The following SAMD4A variants were observed in gnomAD, a reference collection of about 807,000 sequenced individuals.
The protein encoded by SAMD4A is protein Smaug homolog 1.
Under a neutral mutation model 81.3 loss-of-function variants are expected in SAMD4A, and 33 were observed. The observed-to-expected ratio is 0.41, with a 90% CI of 0.31 to 0.54. The LOEUF (loss-of-function observed/expected upper bound fraction) is 0.54. Ranked by LOEUF, SAMD4A falls within the 20% of genes least tolerant of loss-of-function variation. SAMD4A has a pLI of 0.37. For missense variants in SAMD4A, 854 were observed against 951.1 expected (o/e 0.90, Z 1.34); for synonymous variants, 389 against 382.1 (o/e 1.02, Z -0.21).
At chr14:54,767,526 G>T (rs74049670) in intron 8 of SAMD4A, among the ~76,000 whole-genome samples, 13,313 of 152,238 alleles carry the variant, frequency 0.087, 1,008 homozygotes, top group African/African-American at 0.21. Flanking sequence ...AGCTCTTGCC[G>T]CTTTATGAAC....
rs570642036 is a variant in SAMD4A at position 54,775,028 on chromosome 14, C to A, written c.1810C>A (p.Arg604=). The change falls in exon 10 of 13, where the codon CGG becomes AGG. Residue 604 remains arginine, a synonymous_variant. Coordinates refer to ENST00000554335, the MANE Select transcript of SAMD4A (RefSeq NM_015589.6). The part of the protein sequence containing the change: ...RNPRQYQIPS[R]NVPSARLGLL... Reference sequence around the variant, plus strand: ...CCCGCGCCAGTACCAGATCCCCTCTCGGAACGTCCCTTCCGCCCGCCTGGG... The same window carrying A: ...CCCGCGCCAGTACCAGATCCCCTCTAGGAACGTCCCTTCCGCCCGCCTGGG... The A allele has an allele frequency of 1.2e-4, 188 of 1,614,224 alleles. No homozygotes were observed. The South Asian group carries it at 1.9e-3, about 17-fold the overall frequency.
intron 2 of SAMD4A, among the ~76,000 whole-genome samples, chr14:54,645,665 A>G (rs2035271920): frequency 6.6e-6 from 1 of 152,252 alleles, no homozygotes; most frequent in African/African-American, 2.4e-5. Context: ...TGGAAGCATC[A>G]AAGTATTAAA....
At chr14:54,650,166 T>A (rs1425278022) in intron 2 of SAMD4A, among the ~76,000 whole-genome samples, 1 of 152,190 alleles carries the variant, frequency 6.6e-6, no homozygotes, top group Non-Finnish European at 1.5e-5. Context: ...ATTAAATTGA[T>A]CAGACTCACA....
intron 2 of SAMD4A, among the ~76,000 whole-genome samples, chr14:54,643,385 G>A (rs896393202): frequency 6.6e-6 from 1 of 152,182 alleles, no homozygotes; most frequent in African/African-American, 2.4e-5. Context: ...CATCTTTGAT[G>A]CTTAGGTTTC....
intron 10 of SAMD4A, 137 bp downstream of exon 10, chr14:54,775,272 G>A: frequency 1.1e-6 from 1 of 913,246 alleles, no homozygotes; most frequent in Non-Finnish European, 1.7e-6. Context: ...ATTCCTCAGA[G>A]GTAACAGCAT....
rs369494065 is a variant in SAMD4A at position 54,675,946 on chromosome 14, A to G, written c.197-26116A>G. ...TGCACAGGCACAAACCTTAGCCTAA[A>G]TATAGAAGGCTAAAAAAGAATCCTT... On this transcript the variant is annotated intron_variant, in intron 2 of 12. Transcript: ENST00000554335. 4.9e-4 allele frequency among the ~76,000 whole-genome samples: 74 copies of G among 152,348 alleles called. No homozygotes were observed. The South Asian group carries it at 0.011, about 23-fold the overall frequency.
At chr14:54,618,104 T>G (rs965028991) in intron 2 of SAMD4A, among the ~76,000 whole-genome samples, 1 of 152,230 alleles carries the variant, frequency 6.6e-6, no homozygotes, top group Non-Finnish European at 1.5e-5. Context: ...GAATAAAATA[T>G]TAAATACTCT....
intron 6 of SAMD4A, among the ~76,000 whole-genome samples, chr14:54,756,203 C>T (rs1206079218): frequency 6.6e-6 from 1 of 152,024 alleles, no homozygotes. Flanking sequence ...TGGATTTGGC[C>T]CTTACAGCAA....
chr14:54,567,232 C>G lies in SAMD4A; in HGVS notation c.-528C>G, dbSNP rs1258400306. On this transcript the variant is annotated 5_prime_UTR_variant, in exon 1 of 13. Transcript: ENST00000554335. ...CCCAGGCGGGCCGTGAGGGGAGCAC[C>G]AGCCGTTGGCAGCGGCAGCAACAGG... 6.6e-6 allele frequency: 1 copy of G among 152,278 alleles called. No individual in the cohort carries two copies. Among genetic ancestry groups the G allele is most frequent in the Admixed American group, 6.5e-5 (1 of 15,284 alleles). The allele number at this position is 152,278 out of a possible 1,614,324, so 9.4% of individuals were successfully genotyped here. A position where few individuals can be genotyped will look rare whatever the true frequency, so the allele number is the denominator to read the frequency against.
rs79249108 is a variant in SAMD4A at position 54,734,064 on chromosome 14, G to A, written c.716-2960G>A. Among the ~76,000 whole-genome samples the A allele has an allele frequency of 5.7e-3, 874 of 152,270 alleles. 10 individuals carry two copies. The highest frequency in any genetic ancestry group is 0.02 in the African/African-American group (823 of 41,544). On this transcript the variant is annotated intron_variant, in intron 3 of 12. Coordinates refer to ENST00000554335, the MANE Select transcript of SAMD4A (RefSeq NM_015589.6). ...CCAAACAAAGTGCTCCAGCACAAGA[G>A]GTAACACCAAAATCAGCTTTGTGGT...
At chr14:54,705,474 G>A (rs2036829184) in intron 3 of SAMD4A, among the ~76,000 whole-genome samples, 1 of 152,168 alleles carries the variant, frequency 6.6e-6, no homozygotes. Context: ...ACAATATGAT[G>A]TTAAAAACAA....
chr14:54,641,772 TTATCAAGAAGTCA>T (rs2035179040), intron 2 of SAMD4A, among the ~76,000 whole-genome samples: 2 of 152,312 alleles, frequency 1.3e-5, no homozygotes, highest in Admixed American at 1.3e-4. Context: ...ACACAGGCTT[TTATCAAGAAGTCA>T]GTAAGTTTAT....
rs548237650 is a variant in SAMD4A at position 54,727,492 on chromosome 14, G to C, written c.716-9532G>C. 1.7e-4 allele frequency among the ~76,000 whole-genome samples: 26 copies of C among 152,000 alleles called. No homozygotes were observed. In the South Asian group the frequency reaches 4.8e-3, roughly 28 times the overall value. Reference sequence around the variant, plus strand: ...GGGTGAGCCACCACACCCAGCCTTGGGGGCCATTTTAAATGGTGAAATTGT... The same window carrying C: ...GGGTGAGCCACCACACCCAGCCTTGCGGGCCATTTTAAATGGTGAAATTGT... On this transcript the variant is annotated intron_variant, in intron 3 of 12. Coordinates refer to ENST00000554335, the MANE Select transcript of SAMD4A (RefSeq NM_015589.6).
intron 2 of SAMD4A, among the ~76,000 whole-genome samples, chr14:54,610,601 G>A (rs912867060): frequency 4.6e-5 from 7 of 152,156 alleles, no homozygotes; most frequent in Non-Finnish European, 8.8e-5. Context: ...AATTTCTGAA[G>A]CTTTTAATTT....
chr14:54,719,662 A>T (rs1319923517), intron 3 of SAMD4A, among the ~76,000 whole-genome samples: 1 of 152,170 alleles, frequency 6.6e-6, no homozygotes, highest in Non-Finnish European at 1.5e-5. Context: ...CAGAGCACAC[A>T]TGGTGGCGTG....
intron 3 of SAMD4A, among the ~76,000 whole-genome samples, chr14:54,705,685 A>G (rs570512941): frequency 1.2e-4 from 18 of 152,078 alleles, no homozygotes; most frequent in African/African-American, 4.3e-4. Context: ...TCCTCCCTGT[A>G]TGGATTCCCA....
chr14:54,588,970 C>A (rs1195435694), intron 2 of SAMD4A, among the ~76,000 whole-genome samples: 1 of 152,112 alleles, frequency 6.6e-6, no homozygotes, highest in African/African-American at 2.4e-5. Flanking sequence ...AGGAACTGCT[C>A]AATTTTAGTT....
At chr14:54,664,352 T>A (rs1477088842) in intron 2 of SAMD4A, among the ~76,000 whole-genome samples, 1 of 152,172 alleles carries the variant, frequency 6.6e-6, no homozygotes, top group Non-Finnish European at 1.5e-5. Context: ...GGATTAAGGA[T>A]GTCTTTTGTA....
chr14:54,567,726 A>C lies in SAMD4A; in HGVS notation c.-191A>C. 9.0e-6 allele frequency: 5 copies of C among 553,344 alleles called. No homozygotes were observed. The highest frequency in any genetic ancestry group is 2.4e-5 in the South Asian group (1 of 42,088). 34.3% of individuals were successfully genotyped at this position (553,344 alleles called of 1,614,324 possible). ...GTCTCTGGGGAAATCAGCCAGAACC[A>C]CCGGAACGTAACTGAAACCAGACAA... On this transcript the variant is annotated 5_prime_UTR_variant, in exon 2 of 13. Transcript: ENST00000554335.
Sources: allele counts gnomAD v4.1 joint callset (sites outside exome capture counted in the v4.1 genomes callset), GRCh38; gene constraint gnomAD v4.1.1; transcripts MANE v1.5; gene names NCBI Gene and HGNC (gene_info 2026-07-23, HGNC 2026-07-21).